PARD3B: variants seen among roughly 807,000 people sequenced by gnomAD.
PARD3B encodes the protein par-3 family cell polarity regulator beta.
In PARD3B, 103 loss-of-function variants were observed where a neutral mutation model predicts 130.2. The observed-to-expected ratio is 0.79, with a 90% CI of 0.67 to 0.93. The LOEUF (loss-of-function observed/expected upper bound fraction) is 0.93, where lower values mean the gene tolerates loss of function less well. PARD3B is among the 40% of genes least tolerant of loss of function. The pLI is 0.00. For synonymous variants in PARD3B, 583 were observed against 553.2 expected (o/e 1.05, Z -0.76); for missense variants, 1,609 against 1,499.2 (o/e 1.07, Z -1.21).
chr2:205,072,804 T>A (rs1257612722), intron 4 of PARD3B, among the ~76,000 whole-genome samples: 3 of 152,184 alleles, frequency 2.0e-5, no homozygotes, highest in African/African-American at 7.2e-5. Context: ...ACTAATTCTA[T>A]TTAGTAAAAG....
chr2:205,195,161 G>A (rs1291978986), intron 15 of PARD3B, among the ~76,000 whole-genome samples: 2 of 151,898 alleles, frequency 1.3e-5, no homozygotes, highest in Admixed American at 1.3e-4. Flanking sequence ...AACTGAAATA[G>A]TCCTAGCAAA....
chr2:204,944,436 G>A (rs982358343), intron 2 of PARD3B, among the ~76,000 whole-genome samples: 8 of 152,136 alleles, frequency 5.3e-5, no homozygotes, highest in African/African-American at 1.7e-4. Context: ...GCTGCAAGCT[G>A]GTAGCTTCCC....
chr2:205,338,178 A>AAAC (rs35707832), intron 18 of PARD3B, among the ~76,000 whole-genome samples: 7 of 123,482 alleles, frequency 5.7e-5, no homozygotes, highest in East Asian at 2.7e-4. Context: ...AAAAAAAAAA[A>AAAC]GGCTTCATGA....
chr2:205,295,975 G>A (rs962106505), intron 16 of PARD3B, among the ~76,000 whole-genome samples: 4 of 152,074 alleles, frequency 2.6e-5, no homozygotes, highest in African/African-American at 9.7e-5. Context: ...GAATAAAAAG[G>A]GAAAGCATTT....
At chr2:204,622,038 C>T (rs1336529022) in intron 1 of PARD3B, among the ~76,000 whole-genome samples, 1 of 152,110 alleles carries the variant, frequency 6.6e-6, no homozygotes, top group Admixed American at 6.6e-5. Context: ...GTAAAGAGTA[C>T]ACTATGGCTT....
chr2:204,571,517 A>G (rs985226430), intron 1 of PARD3B, among the ~76,000 whole-genome samples: 2 of 152,212 alleles, frequency 1.3e-5, no homozygotes, highest in Admixed American at 6.5e-5. Flanking sequence ...TCTGAGCTCT[A>G]AGTTTCTCAT....
rs1266965529 is a variant in PARD3B at position 205,397,290 on chromosome 2, A to G, written c.2631-3723A>G. 6.6e-6 allele frequency among the ~76,000 whole-genome samples: 1 copy of G among 152,172 alleles called. No homozygotes were observed. Among genetic ancestry groups the G allele is most frequent in the Non-Finnish European group, 1.5e-5 (1 of 68,028 alleles). On this transcript the variant is annotated intron_variant, in intron 18 of 22. Transcript: ENST00000406610. This position sits in a 1 kb window ranked among gnomAD's most constrained non-coding sequence, Gnocchi z 4.8. ...TTTCACATGTATTTCTGCCCTTCTT[A>G]TTGGAAACTTGAATCGAGGATCATG... is the stretch of plus-strand genomic sequence containing the variant.
At chr2:204,763,718 A>G (rs2041009877) in intron 2 of PARD3B, among the ~76,000 whole-genome samples, 1 of 152,210 alleles carries the variant, frequency 6.6e-6, no homozygotes, top group Non-Finnish European at 1.5e-5. Context: ...CAATATGTGG[A>G]GCACTATCAA....
chr2:205,325,590 G>A lies in PARD3B; in HGVS notation c.2630+23889G>A, dbSNP rs770514004. Among the ~76,000 whole-genome samples the A allele has an allele frequency of 5.3e-5, 8 of 152,074 alleles. No homozygotes were observed. The highest frequency in any genetic ancestry group is 1.4e-4 in the African/African-American group (6 of 41,452). ...ATTGCCCAGGCTGGAGTGCAGTGGC[G>A]TGATCATAACTCACTGTAGCCTCAG... On this transcript the variant is annotated intron_variant, in intron 18 of 22. Coordinates refer to ENST00000406610, the MANE Select transcript of PARD3B (RefSeq NM_001302769.2). This position sits in a 1 kb window ranked among gnomAD's most constrained non-coding sequence, Gnocchi z 4.1.
At chr2:205,282,823 T>C (rs1351978599) in intron 16 of PARD3B, among the ~76,000 whole-genome samples, 2 of 152,124 alleles carry the variant, frequency 1.3e-5, no homozygotes, top group African/African-American at 4.8e-5. Flanking sequence ...GGAGATGCAG[T>C]ATTCCAGAGA....
intron 18 of PARD3B, among the ~76,000 whole-genome samples, chr2:205,380,303 T>TTATATAAAGAATATATATTATATATAA (rs2045290638): frequency 4.1e-4 from 6 of 14,582 alleles, no homozygotes; most frequent in African/African-American, 1.7e-3. Flanking sequence ...ATATTATATA[T>TTATATAAAGAATATATATTATATATAA]TATATAAAGA....
chr2:204,771,442 A>G (rs1317609960), intron 2 of PARD3B, among the ~76,000 whole-genome samples: 1 of 152,098 alleles, frequency 6.6e-6, no homozygotes, highest in African/African-American at 2.4e-5. Flanking sequence ...ATGGTTAGTT[A>G]TAGTTTGTCA....
chr2:204,876,283 A>T (rs1366627745), intron 2 of PARD3B, among the ~76,000 whole-genome samples: 2 of 152,234 alleles, frequency 1.3e-5, no homozygotes, highest in African/African-American at 4.8e-5. Context: ...TCCAAATATA[A>T]TAGCTTCAAC....
chr2:205,102,740 G>T (rs886218270), intron 4 of PARD3B, among the ~76,000 whole-genome samples: 1 of 152,104 alleles, frequency 6.6e-6, no homozygotes, highest in Non-Finnish European at 1.5e-5. Context: ...ACAACAAAGT[G>T]CTTCTGTTGC....
At chr2:205,310,131 C>G (rs1434804134) in intron 18 of PARD3B, among the ~76,000 whole-genome samples, 1 of 143,498 alleles carries the variant, frequency 7.0e-6, no homozygotes, top group Non-Finnish European at 1.5e-5. Context: ...GTCACTCAGG[C>G]TGGAGTGCAG....
At chr2:204,638,761 C>G (rs1392127736) in intron 1 of PARD3B, among the ~76,000 whole-genome samples, 1 of 152,146 alleles carries the variant, frequency 6.6e-6, no homozygotes, top group Non-Finnish European at 1.5e-5. Context: ...AATGCTTTAT[C>G]ATAGGATATC....
At chr2:204,692,893 A>G (rs754664953) in intron 2 of PARD3B, among the ~76,000 whole-genome samples, 1 of 152,042 alleles carries the variant, frequency 6.6e-6, no homozygotes, top group Non-Finnish European at 1.5e-5. Flanking sequence ...ATCTTTCAAA[A>G]GAGGAAATAT....
chr2:204,665,329 A>G (rs927037702), intron 1 of PARD3B, among the ~76,000 whole-genome samples: 1 of 152,064 alleles, frequency 6.6e-6, no homozygotes, highest in Admixed American at 6.6e-5. Context: ...GCTCCTGTTA[A>G]AAGGACTAGA....
At chr2:205,023,294 CAATGTCGATTAAAAT>C (rs1696762062) in intron 3 of PARD3B, among the ~76,000 whole-genome samples, 1 of 152,112 alleles carries the variant, frequency 6.6e-6, no homozygotes, top group South Asian at 2.1e-4. Context: ...TAACACAGCA[CAATGTCGATTAAAAT>C]AATAATTGTA....
Sources: allele counts gnomAD v4.1 joint callset (sites outside exome capture counted in the v4.1 genomes callset), GRCh38; gene constraint gnomAD v4.1.1; non-coding constraint Gnocchi (gnomAD v3.1); transcripts MANE v1.5; gene names NCBI Gene and HGNC (gene_info 2026-07-23, HGNC 2026-07-21).